Variants in BABAM1 observed in about 807,000 individuals in gnomAD.
BABAM1 encodes the protein BRISC and BRCA1 A complex member 1.
In BABAM1, 14 loss-of-function variants were observed where a neutral mutation model predicts 34.4. The ratio of observed to expected loss-of-function variants is 0.41; its 90% CI spans 0.27 to 0.64. The LOEUF is 0.64. Ranked by LOEUF, BABAM1 falls within the 30% of genes least tolerant of loss-of-function variation. The pLI is 0.34. For synonymous variants in BABAM1, 169 were observed against 165.8 expected, an observed-to-expected ratio of 1.02 and a Z score of -0.15; for missense variants, 393 against 434.0, an observed-to-expected ratio of 0.91 and a Z score of 0.84.
At position 17,276,574 on chromosome 19, in the gene BABAM1, T is replaced by C; in HGVS notation, c.649T>C (p.Tyr217His). The change falls in exon 7 of 9, where the codon TAC becomes CAC. Residue 217 changes from tyrosine (Y) to histidine (H), a missense_variant. Coordinates refer to ENST00000598188, the MANE Select transcript of BABAM1 (RefSeq NM_014173.4). ...PPYVVRTILV[Y>H]SRPPCQPQFS... is the part of the protein sequence containing the mutation. Reference sequence around the variant, plus strand: ...ATATGTGGTCCGCACCATCCTTGTCTACAGCCGTCCACCTTGCCAGCCCCA... The same window carrying C: ...ATATGTGGTCCGCACCATCCTTGTCCACAGCCGTCCACCTTGCCAGCCCCA... The C allele has an allele frequency of 6.2e-7, 1 of 1,606,528 alleles. No homozygotes were observed.
At chr19:17,278,402 G>A (rs1338802462) in intron 8 of BABAM1, among the ~76,000 whole-genome samples, 16 of 150,048 alleles carry the variant, frequency 1.1e-4, no homozygotes, top group Admixed American at 4.6e-4. Flanking sequence ...TCCGCCTCCC[G>A]GGTTTGCGCC....
chr19:17,272,340 G>C (rs1397911027), intron 3 of BABAM1, among the ~76,000 whole-genome samples: 1 of 152,160 alleles, frequency 6.6e-6, no homozygotes, highest in African/African-American at 2.4e-5. Context: ...AAGAGTTTGA[G>C]GCTGCAGTGA....
chr19:17,274,946 G>A (rs775539801), intron 5 of BABAM1, among the ~76,000 whole-genome samples: 2 of 152,098 alleles, frequency 1.3e-5, no homozygotes, highest in African/African-American at 4.8e-5. Context: ...TGCTCTTGTT[G>A]CCCTGGCTGA....
At chr19:17,278,290 CTG>C (rs1446419684) in intron 8 of BABAM1, among the ~76,000 whole-genome samples, 2 of 151,940 alleles carry the variant, frequency 1.3e-5, no homozygotes, top group Non-Finnish European at 2.9e-5. Flanking sequence ...CTGTATCTGA[CTG>C]TGTGCCTCCA....
At chr19:17,276,937 C>G in intron 8 of BABAM1, 28 bp downstream of exon 8, 1 of 1,560,840 alleles carries the variant, frequency 6.4e-7, no homozygotes, top group Non-Finnish European at 8.7e-7. Flanking sequence ...GTGTGAGTAG[C>G]AGGCGGGTGT....
intron 2 of BABAM1, among the ~76,000 whole-genome samples, chr19:17,270,818 G>A (rs1339387341): frequency 6.6e-6 from 1 of 151,904 alleles, no homozygotes; most frequent in African/African-American, 2.4e-5. Context: ...CTCCCAAGTA[G>A]CTGGGACTAC....
rs756733950 is a variant in BABAM1, at chr19:17,276,768, T to C, written c.700-55T>C. 35 of 1,564,840 alleles carry C rather than the reference T, an allele frequency of 2.2e-5. 2 individuals carry two copies. In the South Asian group the frequency reaches 4.0e-4, roughly 18 times the overall value. On this transcript the variant is annotated intron_variant, in intron 7 of 8. Transcript: ENST00000598188. ...GGCAGAAATGGGGGAGCTATAGTCA[T>C]GGGGCACGGGGTGACCCAAGCCCCA...
At chr19:17,269,677 G>A (rs150823731) in intron 2 of BABAM1, among the ~76,000 whole-genome samples, 239 of 151,872 alleles carry the variant, frequency 1.6e-3, no homozygotes, top group African/African-American at 5.7e-3. Context: ...AGCCTCTCGT[G>A]GCTCCTGGCA....
chr19:17,274,733 C>T (rs187519167), intron 5 of BABAM1, among the ~76,000 whole-genome samples: 41 of 152,146 alleles, frequency 2.7e-4, no homozygotes, highest in African/African-American at 6.7e-4. Flanking sequence ...TGAACCTGGG[C>T]GCAGGACATT....
At chr19:17,270,937 G>A (rs1273260840) in intron 2 of BABAM1, among the ~76,000 whole-genome samples, 5 of 150,416 alleles carry the variant, frequency 3.3e-5, no homozygotes, top group East Asian at 2.0e-4. Flanking sequence ...TGATCCTCCC[G>A]TCTCGGCCTC....
At position 17,276,815 on chromosome 19, in the gene BABAM1, C is replaced by G; in HGVS notation, c.700-8C>G. 6.2e-7 allele frequency: 1 copy of G among 1,600,380 alleles called. No individual in the cohort carries two copies. The highest frequency in any genetic ancestry group is 1.1e-5 in the South Asian group (1 of 88,596). ...CCCAGAGGCTGGTGTTCTTTACTTC[C>G]CCTGCAGAAAATGTTCCAGTGCCCA... On this transcript the variant is annotated splice_polypyrimidine_tract_variant and splice_region_variant and intron_variant, in intron 7 of 8. Coordinates refer to ENST00000598188, the MANE Select transcript of BABAM1 (RefSeq NM_014173.4).
chr19:17,277,558 A>G (rs1410692527), intron 8 of BABAM1: 6 of 152,964 alleles, frequency 3.9e-5, no homozygotes, highest in African/African-American at 9.7e-5. Context: ...TGGAGCATCC[A>G]TCCCTCTTGG....
rs756733950 is a variant in BABAM1, at chr19:17,276,768, T to A, written c.700-55T>A. ...GGCAGAAATGGGGGAGCTATAGTCA[T>A]GGGGCACGGGGTGACCCAAGCCCCA... is the stretch of plus-strand genomic sequence containing the variant. On this transcript the variant is annotated intron_variant, in intron 7 of 8. Transcript: ENST00000598188. 7 of 1,564,958 alleles carry A rather than the reference T, an allele frequency of 4.5e-6. No homozygotes were observed. In the East Asian group the frequency reaches 1.7e-4, roughly 37 times the overall value.
In BABAM1 at chr19:17,276,548, C is replaced by T. The variant is rs2073910949; in HGVS notation, c.623C>T (p.Pro208Leu). The change falls in exon 7 of 9, where the codon CCA (proline) becomes CTA (leucine). Residue 208 changes from proline (P) to leucine (L), a missense_variant. Pro to Leu is a moderately conservative substitution (Grantham distance 98). Coordinates refer to ENST00000598188, the MANE Select transcript of BABAM1 (RefSeq NM_014173.4). ...VTENVQTIPPPYVVRTILVYS... is the reference protein window; with the variant it reads ...VTENVQTIPPLYVVRTILVYS... The stretch of plus-strand genomic sequence containing the variant: ...GAGAACGTGCAGACGATTCCCCCGC[C>T]ATATGTGGTCCGCACCATCCTTGTC... The T allele has an allele frequency of 1.2e-6, 2 of 1,605,414 alleles. No homozygotes were observed. Among genetic ancestry groups the T allele is most frequent in the Middle Eastern group, 1.7e-4 (1 of 6,060 alleles).
At chr19:17,271,934 T>G (rs913476975) in intron 3 of BABAM1, among the ~76,000 whole-genome samples, 2 of 152,178 alleles carry the variant, frequency 1.3e-5, no homozygotes, top group South Asian at 4.1e-4. Flanking sequence ...TGTATGTGTA[T>G]GTATGTATGT....
chr19:17,271,596 G>C lies in BABAM1; in HGVS notation c.286-1G>C, dbSNP rs1176896626. The C allele has an allele frequency of 6.2e-7, 1 of 1,613,668 alleles. No individual in the cohort carries two copies. The highest frequency in any genetic ancestry group is 8.5e-7 in the Non-Finnish European group (1 of 1,179,762). On this transcript the variant is annotated splice_acceptor_variant, in intron 2 of 8. Coordinates refer to ENST00000598188, the MANE Select transcript of BABAM1 (RefSeq NM_014173.4). LOFTEE classifies it high-confidence loss of function. ...CTCACCACCCTCCAACTACCTTGCA[G>C]ATTATCTGCCTGGACCTGTCAGAGG...
At chr19:17,278,590 T>G (rs1159427475) in intron 8 of BABAM1, among the ~76,000 whole-genome samples, 1 of 151,560 alleles carries the variant, frequency 6.6e-6, no homozygotes, top group Non-Finnish European at 1.5e-5. Flanking sequence ...ATTACAGGCG[T>G]GAGCCACCGC....
At chr19:17,268,280 G>A (rs150936579) in intron 1 of BABAM1, among the ~76,000 whole-genome samples, 1 of 152,006 alleles carries the variant, frequency 6.6e-6, no homozygotes, top group Non-Finnish European at 1.5e-5. Context: ...GAAAAAAGAG[G>A]GGGGACTGTT....
intron 3 of BABAM1, among the ~76,000 whole-genome samples, chr19:17,273,098 C>T (rs1236577182): frequency 6.6e-6 from 1 of 152,202 alleles, no homozygotes. Flanking sequence ...AGGCTCCATT[C>T]ATAGCAATGA....
Sources: allele counts gnomAD v4.1 joint callset (sites outside exome capture counted in the v4.1 genomes callset), GRCh38; gene constraint gnomAD v4.1.1; transcripts MANE v1.5; gene names NCBI Gene and HGNC (gene_info 2026-07-23, HGNC 2026-07-21).